Variants in RHEB observed in about 807,000 individuals in gnomAD.
The protein encoded by RHEB is GTP-binding protein Rheb.
Under a neutral mutation model 28.8 loss-of-function variants are expected in RHEB, and 2 were observed. The ratio of observed to expected loss-of-function variants is 0.07; its 90% CI spans 0.03 to 0.22. RHEB has a LOEUF of 0.22. Ranked by LOEUF, RHEB falls within the 10% of genes least tolerant of loss-of-function variation. The pLI, the probability that RHEB is intolerant of heterozygous loss-of-function variation, is 1.00. For missense variants in RHEB, 76 were observed against 219.9 expected, an observed-to-expected ratio of 0.35 and a Z score of 4.14; for synonymous variants, 69 against 77.3, an observed-to-expected ratio of 0.89 and a Z score of 0.56.
intron 1 of RHEB, among the ~76,000 whole-genome samples, chr7:151,501,057 T>C (rs1468618290): frequency 6.6e-6 from 1 of 152,148 alleles, no homozygotes; most frequent in African/African-American, 2.4e-5. Context: ...AAAAAATCTT[T>C]GCAACCTGGA....
rs752762612 is a variant in RHEB, at chr7:151,467,162, T to C, written c.512A>G (p.Asp171Gly). The change falls in exon 8 of 8, where the codon GAC becomes GGC. Residue 171 changes from aspartate to glycine, a missense_variant. Transcript: ENST00000262187. Reference protein sequence around the residue: ...RRIILEAEKMDGAASQGKSSC... With the variant: ...RRIILEAEKMGGAASQGKSSC... ...AGACTTGCCTTGTGAAGCTGCCCCG[T>C]CCATTTTTTCTGCCTCCAAAATTAT... The C allele has an allele frequency of 3.1e-6, 5 of 1,613,732 alleles. No individual in the cohort carries two copies. The South Asian group carries it at 5.5e-5, about 18-fold the overall frequency.
chr7:151,510,427 T>C (rs1242087004), intron 1 of RHEB, among the ~76,000 whole-genome samples: 1 of 152,196 alleles, frequency 6.6e-6, no homozygotes, highest in East Asian at 1.9e-4. Flanking sequence ...ATCTGCAAAA[T>C]AGGTGTAACA....
chr7:151,479,489 T>A (rs368074563), intron 3 of RHEB, among the ~76,000 whole-genome samples: 2 of 152,164 alleles, frequency 1.3e-5, no homozygotes, highest in Non-Finnish European at 2.9e-5. Flanking sequence ...CATATCATCC[T>A]GGCTAACACA....
At chr7:151,502,604 C>G in intron 1 of RHEB, 1 of 1,466,080 alleles carries the variant, frequency 6.8e-7, no homozygotes, top group East Asian at 2.3e-5. Context: ...GCACTACTTT[C>G]AGATGACAGC....
intron 1 of RHEB, among the ~76,000 whole-genome samples, chr7:151,504,671 C>A (rs371550259): frequency 2.0e-5 from 3 of 152,040 alleles, no homozygotes; most frequent in Non-Finnish European, 2.9e-5. Context: ...AGTAGCCAGA[C>A]GCAAAAAGCT....
intron 1 of RHEB, chr7:151,502,158 C>A (rs1563099345): frequency 2.3e-6 from 1 of 430,170 alleles, no homozygotes; most frequent in Non-Finnish European, 4.2e-6. Flanking sequence ...ATCTTGTGAA[C>A]CCGGGAGGCT....
Position 151,473,472 on chromosome 7 carries a change from T to C in RHEB, c.276-1867A>G, listed in dbSNP as rs535841482. Among the ~76,000 whole-genome samples the C allele has an allele frequency of 9.0e-4, 137 of 152,318 alleles. 1 individual carries two copies. The highest frequency in any genetic ancestry group is 1.7e-3 in the Non-Finnish European group (118 of 68,014). ...CACAGCTAGGCCACACCCAGATTCC[T>C]GACCCACAAAAACTGTGAGATCATA... On this transcript the variant is annotated intron_variant, in intron 4 of 7. Transcript: ENST00000262187.
chr7:151,478,738 C>T (rs977351324), intron 3 of RHEB, among the ~76,000 whole-genome samples: 2 of 152,038 alleles, frequency 1.3e-5, no homozygotes, highest in East Asian at 1.9e-4. Context: ...CAGGTTCAAG[C>T]GATTCTCCTG....
Position 151,466,458 on chromosome 7 carries a change from T to A in RHEB, c.*661A>T, listed in dbSNP as rs758164140. On this transcript the variant is annotated 3_prime_UTR_variant, in exon 8 of 8. Transcript: ENST00000262187. ...GATTTGAGGGTGGAAGGAGAGAATT[T>A]CATCACTGGGGAGGAACTCCCCTCA... 5 of 152,620 alleles carry A rather than the reference T, an allele frequency of 3.3e-5. No individual in the cohort carries two copies. Among genetic ancestry groups the A allele is most frequent in the Admixed American group, 6.5e-5 (1 of 15,308 alleles). The allele number at this position is 152,620 out of a possible 1,614,324, so 9.5% of individuals were successfully genotyped here.
Position 151,467,061 on chromosome 7 carries a change from G to C in RHEB, c.*58C>G, listed in dbSNP as rs1802076324. On this transcript the variant is annotated 3_prime_UTR_variant, in exon 8 of 8. Transcript: ENST00000262187. ...GCATAGTTTATCTTCAAGGAGAACG[G>C]GCAGTTTGCTTCTTCAGGTAGAATA... The C allele has an allele frequency of 1.6e-6, 2 of 1,223,318 alleles. No homozygotes were observed. The allele number at this position is 1,223,318 out of a possible 1,614,324, so 75.8% of individuals were successfully genotyped here.
At chr7:151,474,705 CAGAA>C (rs775145737) in intron 4 of RHEB, among the ~76,000 whole-genome samples, 3 of 152,072 alleles carry the variant, frequency 2.0e-5, no homozygotes, top group East Asian at 1.9e-4. Flanking sequence ...TTTATTTACT[CAGAA>C]AGAGCAATTC....
intron 1 of RHEB, among the ~76,000 whole-genome samples, chr7:151,493,595 ATAC>A (rs1447174933): frequency 2.0e-5 from 3 of 152,246 alleles, no homozygotes; most frequent in South Asian, 2.1e-4. Flanking sequence ...AGCCATTTAG[ATAC>A]TACAAAAGAT....
chr7:151,483,969 C>T (rs959131348), intron 3 of RHEB, among the ~76,000 whole-genome samples: 15 of 152,170 alleles, frequency 9.9e-5, no homozygotes, highest in Non-Finnish European at 2.9e-5. Flanking sequence ...ATGTGAATAT[C>T]CTTTCTGGGG....
In RHEB at chr7:151,519,791, C is replaced by A. The variant is rs968692849; in HGVS notation, c.-280G>T. ...CGCCGCCTCCGCCCCCCGAAATACGCGGGGGGTGCGTCGGGGCGACGTTTT... is the reference window on the plus strand; with the variant it reads ...CGCCGCCTCCGCCCCCCGAAATACGAGGGGGGTGCGTCGGGGCGACGTTTT... On this transcript the variant is annotated 5_prime_UTR_variant, in exon 1 of 8. Coordinates refer to ENST00000262187, the MANE Select transcript of RHEB (RefSeq NM_005614.4). 3.2e-6 allele frequency: 1 copy of A among 313,148 alleles called. No individual in the cohort carries two copies. Among genetic ancestry groups the A allele is most frequent in the African/African-American group, 2.2e-5 (1 of 45,850 alleles). 19.4% of individuals were successfully genotyped at this position (313,148 alleles called of 1,614,324 possible).
intron 3 of RHEB, among the ~76,000 whole-genome samples, chr7:151,478,328 G>A (rs1365031777): frequency 6.6e-6 from 1 of 151,084 alleles, no homozygotes; most frequent in Non-Finnish European, 1.5e-5. Flanking sequence ...CTTATAGTAT[G>A]GTTATAACCA....
In RHEB at chr7:151,468,886, G is replaced by A. The variant is rs1324793908; in HGVS notation, c.463-1675C>T. On this transcript the variant is annotated intron_variant, in intron 7 of 7. Transcript: ENST00000262187. The surrounding 1 kb of genome is among the most constrained non-coding windows in gnomAD (Gnocchi z 4.3). ...AGATGTGGATGAGATCTACAATTCA[G>A]TCCTAGTTCTTATACCACGTAAGGT... is the stretch of plus-strand genomic sequence containing the variant. 6.6e-6 allele frequency among the ~76,000 whole-genome samples: 1 copy of A among 152,246 alleles called. No homozygotes were observed. The highest frequency in any genetic ancestry group is 2.4e-5 in the African/African-American group (1 of 41,460).
chr7:151,498,065 C>T, intron 1 of RHEB: 2 of 1,237,358 alleles, frequency 1.6e-6, no homozygotes. Flanking sequence ...TGATCTCAGC[C>T]ACTTACAGCT....
In RHEB at chr7:151,488,885, T is replaced by C. The variant is rs551733141; in HGVS notation, c.124+2058A>G. On this transcript the variant is annotated intron_variant, in intron 2 of 7. Coordinates refer to ENST00000262187, the MANE Select transcript of RHEB (RefSeq NM_005614.4). ...GACTTTCTTCTGATCCATTACTTAC[T>C]AAGAAAATGTATGTATATATAGCTC... Among the ~76,000 whole-genome samples, 8 of 152,344 alleles carry C rather than the reference T, an allele frequency of 5.3e-5. No homozygotes were observed. In the South Asian group the frequency reaches 1.7e-3, roughly 32 times the overall value.
chr7:151,499,385 A>AAGGGC (rs1802731068), intron 1 of RHEB, among the ~76,000 whole-genome samples: 2 of 152,180 alleles, frequency 1.3e-5, no homozygotes, highest in African/African-American at 4.8e-5. Context: ...CAGGAAAGGA[A>AAGGGC]AGGGCAGGAC....
Sources: allele counts gnomAD v4.1 joint callset (sites outside exome capture counted in the v4.1 genomes callset), GRCh38; gene constraint gnomAD v4.1.1; non-coding constraint Gnocchi (gnomAD v3.1); transcripts MANE v1.5; gene names NCBI Gene and HGNC (gene_info 2026-07-23, HGNC 2026-07-21).